TPH2: variants seen among roughly 807,000 people sequenced by gnomAD.
TPH2 encodes tryptophan hydroxylase 2, also known as tryptophan 5-hydroxylase 2.
TPH2 carries 27 observed loss-of-function variants against 59.1 expected under a neutral mutation model. The ratio of observed to expected loss-of-function variants is 0.46; its 90% CI spans 0.34 to 0.63. The LOEUF (loss-of-function observed/expected upper bound fraction) is 0.63. Among genes scored for constraint, TPH2 ranks in the 30% least tolerant of loss-of-function variants. TPH2 has a pLI of 0.01. For missense variants in TPH2, 523 were observed against 588.3 expected (o/e 0.89, Z 1.15); for synonymous variants, 220 against 210.5 (o/e 1.05, Z -0.39).
intron 8 of TPH2, among the ~76,000 whole-genome samples, chr12:72,016,495 T>C (rs899651523): frequency 6.6e-6 from 1 of 152,082 alleles, no homozygotes; most frequent in East Asian, 1.9e-4. Flanking sequence ...GGGAGTATCT[T>C]ATAAGTGAAG....
At chr12:71,959,965 T>C (rs943505246) in intron 5 of TPH2, among the ~76,000 whole-genome samples, 3 of 152,186 alleles carry the variant, frequency 2.0e-5, no homozygotes, top group African/African-American at 7.2e-5. Context: ...GGCAAATATG[T>C]TTTCTCCCTG....
At chr12:71,947,736 AT>A (rs1871233103) in intron 4 of TPH2, among the ~76,000 whole-genome samples, 1 of 152,040 alleles carries the variant, frequency 6.6e-6, no homozygotes, top group Non-Finnish European at 1.5e-5. Flanking sequence ...CCATGGTTCA[AT>A]CCAGGAAGTT....
chr12:71,978,981 G>C lies in TPH2; in HGVS notation c.835G>C (p.Ala279Pro). 6.2e-7 allele frequency: 1 copy of C among 1,614,050 alleles called. No individual in the cohort carries two copies. The highest frequency in any genetic ancestry group is 2.2e-5 in the East Asian group (1 of 44,874). The change falls in exon 7 of 11, where the codon GCT (alanine) becomes CCT (proline). Residue 279 changes from alanine (A) to proline (P), a missense_variant. Physicochemically the swap from Ala to Pro is conservative, Grantham distance 27. Coordinates refer to ENST00000333850, the MANE Select transcript of TPH2 (RefSeq NM_173353.4). Reference protein sequence around the residue: ...ERSGFTVRPVAGYLSPRDFLA... With the variant: ...ERSGFTVRPVPGYLSPRDFLA... ...GTCTGGCTTCACGGTGAGGCCGGTGGCTGGATACCTGAGCCCACGAGACTT... is the reference window on the plus strand; with the variant it reads ...GTCTGGCTTCACGGTGAGGCCGGTGCCTGGATACCTGAGCCCACGAGACTT...
chr12:72,022,502 G>C lies in TPH2; in HGVS notation c.1164+8G>C, dbSNP rs75037994. ...TCCATTGGAGAATTAAAGGTATGAA[G>C]CTGTGAATGAAAATACCCTTCCCAT... On this transcript the variant is annotated splice_region_variant and intron_variant, in intron 9 of 10. Transcript: ENST00000333850. 8.1e-6 allele frequency: 13 copies of C among 1,597,962 alleles called. No individual in the cohort carries two copies. The East Asian group carries it at 1.6e-4, about 19-fold the overall frequency.
chr12:71,985,707 T>C (rs1467211500), intron 7 of TPH2, among the ~76,000 whole-genome samples: 5 of 152,170 alleles, frequency 3.3e-5, no homozygotes, highest in Admixed American at 3.3e-4. Context: ...TTGAAAGGGA[T>C]ACTTCCTTAC....
At chr12:72,011,528 GT>G (rs1419513002) in intron 8 of TPH2, among the ~76,000 whole-genome samples, 1 of 152,182 alleles carries the variant, frequency 6.6e-6, no homozygotes, top group Non-Finnish European at 1.5e-5. Context: ...TTCTGAGCAG[GT>G]TGGGCTGTGA....
At chr12:72,020,339 A>G (rs1341697104) in intron 8 of TPH2, among the ~76,000 whole-genome samples, 3 of 152,130 alleles carry the variant, frequency 2.0e-5, no homozygotes, top group Non-Finnish European at 4.4e-5. Flanking sequence ...GTGTTGGGGG[A>G]TAGATGATAA....
rs1275783501 is a variant in TPH2, at chr12:71,965,861, G to A, written c.609-6658G>A. ...TTTGCTTTTGTTGCAATTGCTTTTG[G>A]TGTCTTTGTCATGAAATCTTTGCCT... is the stretch of plus-strand genomic sequence containing the variant. On this transcript the variant is annotated intron_variant, in intron 5 of 10. Transcript: ENST00000333850. Among the ~76,000 whole-genome samples the A allele has an allele frequency of 2.0e-5, 3 of 152,234 alleles. No individual in the cohort carries two copies. In the East Asian group the frequency reaches 5.8e-4, roughly 29 times the overall value.
chr12:71,965,111 A>G (rs1286091797), intron 5 of TPH2: 2 of 152,180 alleles, frequency 1.3e-5, no homozygotes, highest in African/African-American at 4.8e-5. Flanking sequence ...TGCAAAAGAC[A>G]TTATCTCATT....
At chr12:72,023,425 A>T (rs918765589) in intron 9 of TPH2, among the ~76,000 whole-genome samples, 94 of 150,406 alleles carry the variant, frequency 6.2e-4, no homozygotes, top group African/African-American at 2.3e-3. Flanking sequence ...TGGTCATTTT[A>T]TGACTTCATT....
chr12:71,992,320 G>A (rs1380977040), intron 7 of TPH2, among the ~76,000 whole-genome samples: 1 of 152,178 alleles, frequency 6.6e-6, no homozygotes, highest in Non-Finnish European at 1.5e-5. Flanking sequence ...AGTGGCTCAT[G>A]CCTGTAATCC....
intron 6 of TPH2, among the ~76,000 whole-genome samples, chr12:71,974,164 GT>G (rs1437582005): frequency 1.3e-5 from 2 of 152,004 alleles, no homozygotes; most frequent in Non-Finnish European, 2.9e-5. Context: ...TATCAGTACT[GT>G]TTTTTCTAAA....
chr12:71,997,993 A>G (rs1872734226), intron 8 of TPH2, among the ~76,000 whole-genome samples: 1 of 152,206 alleles, frequency 6.6e-6, no homozygotes, highest in Non-Finnish European at 1.5e-5. Flanking sequence ...TATATAGGTC[A>G]TGGCTAGGAA....
At chr12:71,944,252 A>T (rs767028903) in intron 2 of TPH2, 42 bp from the exon 3 acceptor site, 2 of 1,608,466 alleles carry the variant, frequency 1.2e-6, no homozygotes, top group Non-Finnish European at 1.7e-6. Flanking sequence ...CATTCCTTTT[A>T]TTGTCCCTGA....
intron 1 of TPH2, 75 bp downstream of exon 1, chr12:71,939,166 C>A: frequency 1.8e-6 from 2 of 1,138,906 alleles, no homozygotes; most frequent in Non-Finnish European, 2.6e-6. Flanking sequence ...CATATGAATC[C>A]CTTTTGTAGT....
At chr12:71,946,477 C>T (rs1171614381) in intron 4 of TPH2, among the ~76,000 whole-genome samples, 2 of 152,164 alleles carry the variant, frequency 1.3e-5, no homozygotes, top group Non-Finnish European at 2.9e-5. Context: ...TCCATTACTC[C>T]TAATTATACC....
At chr12:71,968,485 C>T (rs1386492) in intron 5 of TPH2, among the ~76,000 whole-genome samples, 108,360 of 152,128 alleles carry the variant, frequency 0.71, 40,331 homozygotes, top group Non-Finnish European at 0.82. Flanking sequence ...CCAGGCTCCC[C>T]GTGGTACACC....
chr12:71,992,347 C>T (rs771850689), intron 7 of TPH2, among the ~76,000 whole-genome samples: 17 of 152,062 alleles, frequency 1.1e-4, no homozygotes, highest in South Asian at 4.2e-4. Context: ...TTTGGGAGGC[C>T]GAGGTGGGCG....
intron 7 of TPH2, among the ~76,000 whole-genome samples, chr12:71,989,950 T>C (rs115945787): frequency 0.79 from 115,162 of 146,332 alleles, 45,399 homozygotes; most frequent in East Asian, 0.93. Context: ...CAGCTCTTGG[T>C]TTTTTTTTTT....
Sources: gnomAD v4.1 joint callset for allele counts (sites outside exome capture counted in the v4.1 genomes callset) on GRCh38, gnomAD v4.1.1 for gene constraint, MANE v1.5 for transcripts, NCBI Gene and HGNC (gene_info 2026-07-23, HGNC 2026-07-21) for gene names.